The following FHIT variants were observed in gnomAD, a reference collection of about 807,000 sequenced individuals.
FHIT encodes the protein bis(5'-adenosyl)-triphosphatase.
A neutral mutation model predicts 17.9 loss-of-function variants in FHIT; 19 were observed. The observed-to-expected ratio is 1.06, with a 90% CI of 0.74 to 1.56. The LOEUF (loss-of-function observed/expected upper bound fraction) is 1.56. Ranked by LOEUF, FHIT falls within the 40% of genes most tolerant of loss-of-function variation. The pLI, the probability that FHIT is intolerant of heterozygous loss-of-function variation, is 0.00. For synonymous variants in FHIT, 81 were observed against 69.7 expected (o/e 1.16, Z -0.81); for missense variants, 248 against 189.2 (o/e 1.31, Z -1.82).
intron 5 of FHIT, among the ~76,000 whole-genome samples, chr3:60,235,033 G>A (rs1704695515): frequency 6.6e-6 from 1 of 152,042 alleles, no homozygotes; most frequent in African/African-American, 2.4e-5. Context: ...CGAACAAGGT[G>A]TAACTTCTCA....
intron 5 of FHIT, among the ~76,000 whole-genome samples, chr3:60,216,995 T>C (rs1354002719): frequency 6.6e-6 from 1 of 152,074 alleles, no homozygotes; most frequent in Non-Finnish European, 1.5e-5. Context: ...AATATAAAAA[T>C]GAGCAAAAGG....
intron 5 of FHIT, among the ~76,000 whole-genome samples, chr3:60,148,295 T>A (rs546313408): frequency 1.3e-5 from 2 of 152,290 alleles, no homozygotes; most frequent in Admixed American, 1.3e-4. Context: ...TATGTGGTAA[T>A]AGTCTTTCAA....
intron 5 of FHIT, among the ~76,000 whole-genome samples, chr3:60,263,378 C>T (rs1012080989): frequency 6.6e-6 from 1 of 151,848 alleles, no homozygotes; most frequent in Non-Finnish European, 1.5e-5. Flanking sequence ...ACATATTCTC[C>T]AATAGACTCA....
At chr3:59,835,936 G>T (rs1701324387) in intron 8 of FHIT, among the ~76,000 whole-genome samples, 1 of 152,144 alleles carries the variant, frequency 6.6e-6, no homozygotes, top group African/African-American at 2.4e-5. Flanking sequence ...AAATCAAGGG[G>T]ACACAAATAA....
At chr3:60,708,322 C>T (rs530165585) in intron 4 of FHIT, among the ~76,000 whole-genome samples, 1 of 152,250 alleles carries the variant, frequency 6.6e-6, no homozygotes, top group East Asian at 1.9e-4. Flanking sequence ...ATTGACTAAC[C>T]ATTACATGGA....
In FHIT at chr3:60,765,063, G is replaced by T. The variant is rs1240521201; in HGVS notation, c.-18+56856C>A. 2.6e-5 allele frequency among the ~76,000 whole-genome samples: 4 copies of T among 152,112 alleles called. No individual in the cohort carries two copies. In the East Asian group the frequency reaches 7.7e-4, roughly 29 times the overall value. ...GAATGGATGTCATAAGGTAAAAAGAGGAACTGCAAGATTTGAAGCTCATAG... is the reference window on the plus strand; with the variant it reads ...GAATGGATGTCATAAGGTAAAAAGATGAACTGCAAGATTTGAAGCTCATAG... On this transcript the variant is annotated intron_variant, in intron 4 of 9. Coordinates refer to ENST00000492590, the MANE Select transcript of FHIT (RefSeq NM_002012.4).
intron 5 of FHIT, among the ~76,000 whole-genome samples, chr3:60,133,127 G>T (rs1699666203): frequency 6.6e-6 from 1 of 152,000 alleles, no homozygotes; most frequent in Non-Finnish European, 1.5e-5. Context: ...GATTGAGATG[G>T]AACATCTTTC....
At chr3:59,907,114 G>A (rs998563820) in intron 8 of FHIT, among the ~76,000 whole-genome samples, 1 of 152,186 alleles carries the variant, frequency 6.6e-6, no homozygotes, top group African/African-American at 2.4e-5. Flanking sequence ...AGAGGGAACT[G>A]CCCATAGTCT....
chr3:61,219,413 G>C (rs1477092427), intron 1 of FHIT, among the ~76,000 whole-genome samples: 1 of 151,608 alleles, frequency 6.6e-6, no homozygotes, highest in Non-Finnish European at 1.5e-5. Flanking sequence ...GAACCCAAAA[G>C]TTCTTGTTCC....
intron 5 of FHIT, among the ~76,000 whole-genome samples, chr3:60,317,762 A>G (rs1034868198): frequency 2.7e-5 from 4 of 147,760 alleles, no homozygotes; most frequent in Non-Finnish European, 5.9e-5. Flanking sequence ...ACTAGTTCAA[A>G]ATTCCATTCT....
chr3:59,917,416 C>T (rs1705184560), intron 8 of FHIT, among the ~76,000 whole-genome samples: 1 of 152,144 alleles, frequency 6.6e-6, no homozygotes, highest in African/African-American at 2.4e-5. Flanking sequence ...GTAAGTCTTA[C>T]TGAGTTAATG....
At chr3:60,648,006 T>A (rs2039901020) in intron 4 of FHIT, among the ~76,000 whole-genome samples, 1 of 152,172 alleles carries the variant, frequency 6.6e-6, no homozygotes, top group Non-Finnish European at 1.5e-5. Context: ...GACACAAAAG[T>A]CCTGATAATG....
At chr3:60,954,090 C>A (rs1709011187) in intron 3 of FHIT, among the ~76,000 whole-genome samples, 1 of 152,176 alleles carries the variant, frequency 6.6e-6, no homozygotes, top group Non-Finnish European at 1.5e-5. Flanking sequence ...CACTGCCATC[C>A]TGGTAACCCA....
At chr3:59,832,446 T>G (rs1268617093) in intron 8 of FHIT, among the ~76,000 whole-genome samples, 3 of 152,210 alleles carry the variant, frequency 2.0e-5, no homozygotes, top group Non-Finnish European at 1.5e-5. Flanking sequence ...CCACATTGTC[T>G]GGCTTGGTTA....
chr3:59,801,839 C>A (rs1700006107), intron 8 of FHIT, among the ~76,000 whole-genome samples: 1 of 152,172 alleles, frequency 6.6e-6, no homozygotes, highest in South Asian at 2.1e-4. Context: ...CCATGGCATG[C>A]CCTCTGACCT....
chr3:60,821,058 C>A (rs1338393902), intron 4 of FHIT, among the ~76,000 whole-genome samples: 1 of 151,954 alleles, frequency 6.6e-6, no homozygotes, highest in Non-Finnish European at 1.5e-5. Context: ...TCACTGCAAC[C>A]TCCACCTCCC....
intron 5 of FHIT, among the ~76,000 whole-genome samples, chr3:60,104,099 C>A (rs1228556655): frequency 6.6e-6 from 1 of 152,134 alleles, no homozygotes; most frequent in Non-Finnish European, 1.5e-5. Context: ...TTAAACCATG[C>A]CACAGGCAAA....
At chr3:61,053,968 C>T (rs1376910315) in intron 2 of FHIT, among the ~76,000 whole-genome samples, 1 of 152,186 alleles carries the variant, frequency 6.6e-6, no homozygotes, top group African/African-American at 2.4e-5. Flanking sequence ...TGCAGGTAAG[C>T]AAGCGCTGGG....
At chr3:60,333,457 TA>T (rs1224191451) in intron 5 of FHIT, among the ~76,000 whole-genome samples, 6 of 128,246 alleles carry the variant, frequency 4.7e-5, no homozygotes, top group Non-Finnish European at 6.5e-5. Context: ...TACTGTGCCC[TA>T]AAAGGCATAT....
Sources: allele counts gnomAD v4.1 joint callset (sites outside exome capture counted in the v4.1 genomes callset), GRCh38; gene constraint gnomAD v4.1.1; transcripts MANE v1.5; gene names NCBI Gene and HGNC (gene_info 2026-07-23, HGNC 2026-07-21).